The following GRM5 variants were observed in gnomAD, a reference collection of about 807,000 sequenced individuals.
The protein encoded by GRM5 is glutamate metabotropic receptor 5, also known as metabotropic glutamate receptor 5.
A neutral mutation model predicts 83.1 loss-of-function variants in GRM5; 19 were observed. That is an observed-to-expected ratio of 0.23 (90% CI 0.16 to 0.34). The LOEUF is 0.34. GRM5 is among the 10% of genes least tolerant of loss of function. The pLI is 1.00. For synonymous variants in GRM5, 675 were observed against 633.6 expected (o/e 1.07, Z -0.98); for missense variants, 1,160 against 1,588.3 (o/e 0.73, Z 4.58).
At chr11:88,804,821 A>G (rs1943471505) in intron 3 of GRM5, among the ~76,000 whole-genome samples, 1 of 152,160 alleles carries the variant, frequency 6.6e-6, no homozygotes, top group African/African-American at 2.4e-5. Context: ...AGATTCAGAA[A>G]CATAGGAGGG....
chr11:88,958,245 A>T lies in GRM5; in HGVS notation c.661+88967T>A, dbSNP rs556683436. Among the ~76,000 whole-genome samples, 19 of 149,542 alleles carry T rather than the reference A, an allele frequency of 1.3e-4. No homozygotes were observed. The East Asian group carries it at 1.7e-3, about 14-fold the overall frequency. On this transcript the variant is annotated intron_variant, in intron 2 of 9. Coordinates refer to ENST00000305447, the MANE Select transcript of GRM5 (RefSeq NM_001143831.3). The stretch of plus-strand genomic sequence containing the variant: ...TGTTTATCACTTTCAAAAATATTTT[A>T]TATATATATATATAATGTATATGAA...
intron 8 of GRM5, among the ~76,000 whole-genome samples, chr11:88,535,951 G>A (rs888577716): frequency 3.3e-5 from 5 of 152,176 alleles, no homozygotes; most frequent in African/African-American, 9.6e-5. Context: ...GAGAGAGATC[G>A]ATTGGGTAAA....
intron 2 of GRM5, among the ~76,000 whole-genome samples, chr11:89,022,348 A>C (rs1221823321): frequency 6.6e-6 from 1 of 152,150 alleles, no homozygotes; most frequent in Non-Finnish European, 1.5e-5. Context: ...GCAAGATTAA[A>C]AATAAAAGAA....
chr11:88,823,526 C>CAA (rs71265011), intron 3 of GRM5, among the ~76,000 whole-genome samples: 29 of 144,324 alleles, frequency 2.0e-4, no homozygotes, highest in Admixed American at 4.8e-4. Flanking sequence ...TAGGGGATTT[C>CAA]AAAAAAAAAA....
intron 3 of GRM5, among the ~76,000 whole-genome samples, chr11:88,749,791 C>T (rs1303681825): frequency 6.6e-6 from 1 of 152,150 alleles, no homozygotes; most frequent in Non-Finnish European, 1.5e-5. Context: ...CAATATTCAA[C>T]ATTCTTAAAG....
intron 3 of GRM5, among the ~76,000 whole-genome samples, chr11:88,679,111 A>G (rs1474047339): frequency 6.6e-6 from 1 of 152,192 alleles, no homozygotes; most frequent in African/African-American, 2.4e-5. Flanking sequence ...ATATGTTACA[A>G]TATGAAAAAT....
At chr11:89,029,042 T>C (rs7108409) in intron 2 of GRM5, among the ~76,000 whole-genome samples, 11,538 of 152,226 alleles carry the variant, frequency 0.076, 1,058 homozygotes, top group African/African-American at 0.22. Flanking sequence ...CTTGGTTTTC[T>C]GTTCTTGTGT....
At chr11:88,800,157 T>G (rs1039369328) in intron 3 of GRM5, among the ~76,000 whole-genome samples, 1 of 152,142 alleles carries the variant, frequency 6.6e-6, no homozygotes, top group Non-Finnish European at 1.5e-5. Context: ...TCATTTAGCT[T>G]GATTCTTTCA....
At chr11:88,572,218 C>T (rs1038570078) in intron 7 of GRM5, among the ~76,000 whole-genome samples, 7 of 152,068 alleles carry the variant, frequency 4.6e-5, no homozygotes, top group Non-Finnish European at 1.0e-4. Context: ...AAATAAGAGA[C>T]ATGGAAATAA....
chr11:88,663,341 G>A (rs1211971932), intron 3 of GRM5, among the ~76,000 whole-genome samples: 3 of 152,082 alleles, frequency 2.0e-5, no homozygotes, highest in Admixed American at 6.6e-5. Context: ...ATGCTTCCAC[G>A]TCATATGCAT....
intron 2 of GRM5, among the ~76,000 whole-genome samples, chr11:89,004,518 G>T (rs1321499560): frequency 6.6e-6 from 1 of 152,092 alleles, no homozygotes; most frequent in Non-Finnish European, 1.5e-5. Context: ...TGAGTACAAA[G>T]TTTGGGCACA....
At chr11:88,646,457 T>C (rs1034298993) in intron 4 of GRM5, among the ~76,000 whole-genome samples, 2 of 150,420 alleles carry the variant, frequency 1.3e-5, no homozygotes, top group South Asian at 2.1e-4. Context: ...TTAAGGGCCA[T>C]AGTAATATTT....
intron 7 of GRM5, among the ~76,000 whole-genome samples, chr11:88,572,509 T>A (rs1256938907): frequency 6.6e-6 from 1 of 152,168 alleles, no homozygotes; most frequent in African/African-American, 2.4e-5. Flanking sequence ...TCTTCTGACA[T>A]TAGATAATTA....
At chr11:88,716,689 T>G (rs1325020710) in intron 3 of GRM5, among the ~76,000 whole-genome samples, 2 of 151,982 alleles carry the variant, frequency 1.3e-5, no homozygotes, top group African/African-American at 4.8e-5. Context: ...TGCTTAAATT[T>G]ACCCACTGAG....
At chr11:89,052,811 C>T (rs1196002371) in intron 1 of GRM5, among the ~76,000 whole-genome samples, 1 of 152,160 alleles carries the variant, frequency 6.6e-6, no homozygotes, top group Non-Finnish European at 1.5e-5. Flanking sequence ...AGTACTCAAA[C>T]ATGCTGCAAT....
At chr11:88,963,734 T>C (rs1938855676) in intron 2 of GRM5, among the ~76,000 whole-genome samples, 1 of 152,196 alleles carries the variant, frequency 6.6e-6, no homozygotes, top group African/African-American at 2.4e-5. Context: ...TTCTATACAA[T>C]GGACTGTTTC....
chr11:88,882,666 G>T (rs1345162022), intron 2 of GRM5, among the ~76,000 whole-genome samples: 1 of 151,930 alleles, frequency 6.6e-6, no homozygotes, highest in Non-Finnish European at 1.5e-5. Flanking sequence ...AATATGTCAG[G>T]CTATCAATAG....
intron 2 of GRM5, among the ~76,000 whole-genome samples, chr11:88,959,704 C>G (rs147460237): frequency 0.033 from 4,960 of 152,150 alleles, 278 homozygotes; most frequent in African/African-American, 0.11. Context: ...AGAGAATGTT[C>G]AGATATTGAC....
intron 5 of GRM5, among the ~76,000 whole-genome samples, chr11:88,603,739 C>T (rs1938064005): frequency 6.6e-6 from 1 of 152,144 alleles, no homozygotes; most frequent in South Asian, 2.1e-4. Flanking sequence ...GGATAAGCTC[C>T]AGCTCATCTT....
Sources: gnomAD v4.1 joint callset for allele counts (sites outside exome capture counted in the v4.1 genomes callset) on GRCh38, gnomAD v4.1.1 for gene constraint, MANE v1.5 for transcripts, NCBI Gene and HGNC (gene_info 2026-07-23, HGNC 2026-07-21) for gene names.